Variants in KCNN2 observed in about 807,000 individuals in gnomAD.
KCNN2 encodes potassium calcium-activated channel subfamily N member 2.
KCNN2 carries 24 observed loss-of-function variants against 55.5 expected under a neutral mutation model. That is an observed-to-expected ratio of 0.43 (90% CI 0.31 to 0.61). KCNN2 has a LOEUF of 0.61. Ranked by LOEUF, KCNN2 falls within the 20% of genes least tolerant of loss-of-function variation. The probability of loss-of-function intolerance (pLI) is 0.08; values close to 1 mark genes in which losing one functional copy is unlikely to be tolerated. For synonymous variants in KCNN2, 431 were observed against 336.1 expected, an observed-to-expected ratio of 1.28 and a Z score of -3.09; for missense variants, 754 against 853.6, an observed-to-expected ratio of 0.88 and a Z score of 1.45.
At chr5:114,273,304 C>G (rs138219958) in intron 2 of KCNN2, among the ~76,000 whole-genome samples, 12,400 of 152,194 alleles carry the variant, frequency 0.081, 631 homozygotes, top group African/African-American at 0.14. Context: ...GGTTCCAAGT[C>G]TTTGCTATCG....
At chr5:114,457,526 C>A (rs1160151286) in intron 3 of KCNN2, among the ~76,000 whole-genome samples, 1 of 152,170 alleles carries the variant, frequency 6.6e-6, no homozygotes, top group African/African-American at 2.4e-5. Flanking sequence ...CTTAGGCATA[C>A]TATACCTATG....
At chr5:114,471,628 C>T (rs2150123281) in intron 4 of KCNN2, among the ~76,000 whole-genome samples, 1 of 152,284 alleles carries the variant, frequency 6.6e-6, no homozygotes, top group South Asian at 2.1e-4. Context: ...CTTTAGTTGT[C>T]TCATCTCTAA....
At chr5:114,068,001 A>G (rs1750486734) in intron 1 of KCNN2, among the ~76,000 whole-genome samples, 1 of 152,234 alleles carries the variant, frequency 6.6e-6, no homozygotes, top group East Asian at 1.9e-4. Flanking sequence ...TTTACTAACA[A>G]CTAATTTTTC....
intron 1 of KCNN2, among the ~76,000 whole-genome samples, chr5:114,155,890 T>G (rs1263694540): frequency 1.3e-5 from 2 of 152,182 alleles, no homozygotes; most frequent in Non-Finnish European, 2.9e-5. Flanking sequence ...CTTAATTAGA[T>G]CCTGTTTGTC....
At chr5:114,112,377 A>G (rs1751617958) in intron 1 of KCNN2, among the ~76,000 whole-genome samples, 2 of 152,174 alleles carry the variant, frequency 1.3e-5, no homozygotes, top group Non-Finnish European at 2.9e-5. Context: ...TACCTAATGT[A>G]AATGATGAGT....
intron 1 of KCNN2, among the ~76,000 whole-genome samples, chr5:114,148,892 G>T (rs994163942): frequency 2.6e-5 from 4 of 152,048 alleles, no homozygotes; most frequent in Non-Finnish European, 5.9e-5. Flanking sequence ...GTGTTAACTT[G>T]TGGCAGTTGA....
At chr5:114,188,057 C>A (rs1038404750) in intron 1 of KCNN2, among the ~76,000 whole-genome samples, 23 of 152,148 alleles carry the variant, frequency 1.5e-4, no homozygotes, top group African/African-American at 5.6e-4. Flanking sequence ...AGGTGGTCCA[C>A]CCACCTCGGC....
intron 2 of KCNN2, among the ~76,000 whole-genome samples, chr5:114,270,014 C>G (rs1231857526): frequency 6.6e-6 from 1 of 152,204 alleles, no homozygotes; most frequent in South Asian, 2.1e-4. Context: ...ACATGCTGAT[C>G]TCCTAGCATT....
chr5:114,180,180 A>G (rs1306716797), intron 1 of KCNN2, among the ~76,000 whole-genome samples: 1 of 152,188 alleles, frequency 6.6e-6, no homozygotes, highest in Non-Finnish European at 1.5e-5. Context: ...TACTTGGGCT[A>G]TGGTTCCTAC....
chr5:114,084,049 A>T (rs1750960415), intron 1 of KCNN2, among the ~76,000 whole-genome samples: 1 of 152,044 alleles, frequency 6.6e-6, no homozygotes, highest in Non-Finnish European at 1.5e-5. Flanking sequence ...CATTGTATGG[A>T]TGTACCACAG....
intron 2 of KCNN2, among the ~76,000 whole-genome samples, chr5:114,267,646 C>A (rs1450257985): frequency 6.6e-6 from 1 of 152,074 alleles, no homozygotes; most frequent in Admixed American, 6.5e-5. Flanking sequence ...AGAACAAGTT[C>A]TGTTTTATTT....
At chr5:114,065,528 A>T (rs1411777885) in intron 1 of KCNN2, among the ~76,000 whole-genome samples, 1 of 152,210 alleles carries the variant, frequency 6.6e-6, no homozygotes, top group African/African-American at 2.4e-5. Flanking sequence ...CTGCTTTTAT[A>T]AGCTACATTC....
At chr5:114,424,318 C>A (rs1313993939) in intron 3 of KCNN2, among the ~76,000 whole-genome samples, 1 of 152,144 alleles carries the variant, frequency 6.6e-6, no homozygotes. Flanking sequence ...GAAGCATGAT[C>A]CTGACCTATG....
chr5:114,250,507 G>A lies in KCNN2; in HGVS notation c.-185+28942G>A, dbSNP rs144593644. On this transcript the variant is annotated intron_variant, in intron 2 of 10. Transcript: ENST00000512097. ...GAAAGGCTGCTGTATCTGCTTTGATGTGTCAGAACAACATTAGAGACATTT... is the reference window on the plus strand; with the variant it reads ...GAAAGGCTGCTGTATCTGCTTTGATATGTCAGAACAACATTAGAGACATTT... Among the ~76,000 whole-genome samples the A allele has an allele frequency of 3.2e-3, 490 of 152,300 alleles. 2 individuals are homozygous for A. Among genetic ancestry groups the A allele is most frequent in the African/African-American group, 0.011 (476 of 41,564 alleles).
chr5:114,452,678 T>C (rs1336952307), intron 3 of KCNN2, among the ~76,000 whole-genome samples: 2 of 152,146 alleles, frequency 1.3e-5, no homozygotes, highest in African/African-American at 4.8e-5. Context: ...AGCTTCATTG[T>C]TTACGGATGG....
chr5:114,241,751 T>TATAC (rs1491525723), intron 2 of KCNN2, among the ~76,000 whole-genome samples: 888 of 6,918 alleles, frequency 0.13, 230 homozygotes, highest in South Asian at 0.28. Context: ...CGTATATATA[T>TATAC]GTATATATAT....
intron 1 of KCNN2, among the ~76,000 whole-genome samples, chr5:114,082,635 G>C (rs1233650297): frequency 6.6e-6 from 1 of 152,174 alleles, no homozygotes; most frequent in African/African-American, 2.4e-5. Flanking sequence ...GTTTATAACA[G>C]CATTATTCAC....
chr5:114,297,109 A>G (rs930302023), intron 2 of KCNN2, among the ~76,000 whole-genome samples: 4 of 152,206 alleles, frequency 2.6e-5, no homozygotes, highest in Non-Finnish European at 4.4e-5. Context: ...TATTAAATAT[A>G]GGATTGAATA....
At chr5:114,211,051 T>TA (rs1041969639) in intron 1 of KCNN2, among the ~76,000 whole-genome samples, 22 of 150,958 alleles carry the variant, frequency 1.5e-4, no homozygotes, top group African/African-American at 3.4e-4. Context: ...ATTAAAAAGT[T>TA]AAAAAAAAAC....
Sources: gnomAD v4.1 joint callset for allele counts (sites outside exome capture counted in the v4.1 genomes callset) on GRCh38, gnomAD v4.1.1 for gene constraint, MANE v1.5 for transcripts, NCBI Gene and HGNC (gene_info 2026-07-23, HGNC 2026-07-21) for gene names.